NSG1: variants seen among roughly 807,000 people sequenced by gnomAD.
NSG1 encodes the protein neuronal vesicle trafficking associated 1.
A neutral mutation model predicts 19.3 loss-of-function variants in NSG1; 9 were observed. The ratio of observed to expected loss-of-function variants is 0.47; its 90% CI spans 0.28 to 0.81. NSG1 has a LOEUF of 0.81. Ranked by LOEUF, NSG1 falls within the 40% of genes least tolerant of loss-of-function variation. NSG1 has a pLI of 0.11. For synonymous variants in NSG1, 104 were observed against 107.0 expected (o/e 0.97, Z 0.17); for missense variants, 236 against 242.4 (o/e 0.97, Z 0.18).
rs554066122 is a variant in NSG1 at position 4,393,541 on chromosome 4, G to C, written c.246+1950G>C. ...AGCAGAAGCCCTGCCTCATCTCCCTGCCTCTACCTCCTGTGGCTGTCTGAG... is the reference window on the plus strand; with the variant it reads ...AGCAGAAGCCCTGCCTCATCTCCCTCCCTCTACCTCCTGTGGCTGTCTGAG... On this transcript the variant is annotated intron_variant, in intron 3 of 4. Coordinates refer to ENST00000621129, the MANE Select transcript of NSG1 (RefSeq NM_014392.5). 2.0e-5 allele frequency among the ~76,000 whole-genome samples: 3 copies of C among 152,312 alleles called. No homozygotes were observed. The East Asian group carries it at 5.8e-4, about 29-fold the overall frequency.
intron 4 of NSG1, among the ~76,000 whole-genome samples, chr4:4,413,128 G>A (rs1433368280): frequency 6.6e-6 from 1 of 152,134 alleles, no homozygotes; most frequent in African/African-American, 2.4e-5. Context: ...CTGGAACACA[G>A]CCGAGAGCCA....
chr4:4,392,994 G>A (rs1343839380), intron 3 of NSG1, among the ~76,000 whole-genome samples: 3 of 152,074 alleles, frequency 2.0e-5, no homozygotes, highest in South Asian at 2.1e-4. Flanking sequence ...TGTCTTCTGC[G>A]CTGGCCAGTG....
At chr4:4,408,389 G>T (rs1241746159) in intron 3 of NSG1, among the ~76,000 whole-genome samples, 2 of 152,188 alleles carry the variant, frequency 1.3e-5, no homozygotes, top group African/African-American at 4.8e-5. Context: ...CTCCCACCCG[G>T]CCAGGGAGCC....
intron 3 of NSG1, among the ~76,000 whole-genome samples, chr4:4,400,503 G>T (rs1298919572): frequency 6.6e-6 from 1 of 152,186 alleles, no homozygotes; most frequent in Non-Finnish European, 1.5e-5. Flanking sequence ...TTGGGTTGCT[G>T]ACAGAGATGG....
intron 3 of NSG1, among the ~76,000 whole-genome samples, chr4:4,397,627 G>T (rs1723322298): frequency 1.3e-5 from 2 of 152,358 alleles, no homozygotes; most frequent in South Asian, 4.1e-4. Context: ...CCTTTCACGT[G>T]AGTGACCATG....
chr4:4,410,602 G>A (rs1459774221), intron 4 of NSG1, among the ~76,000 whole-genome samples: 1 of 152,210 alleles, frequency 6.6e-6, no homozygotes, highest in Non-Finnish European at 1.5e-5. Flanking sequence ...AAACATAGAA[G>A]AGGTCCAGTA....
chr4:4,397,152 CTT>C (rs75001083), intron 3 of NSG1, among the ~76,000 whole-genome samples: 51 of 139,530 alleles, frequency 3.7e-4, no homozygotes, highest in East Asian at 6.2e-4. Flanking sequence ...AAGTTTTTTC[CTT>C]TTTTTTTTTT....
At chr4:4,398,189 G>A (rs574015310) in intron 3 of NSG1, among the ~76,000 whole-genome samples, 3 of 152,224 alleles carry the variant, frequency 2.0e-5, no homozygotes, top group South Asian at 2.1e-4. Context: ...TCCTGACCTC[G>A]TGATCCACCT....
intron 1 of NSG1, 43 bp from the exon 2 acceptor site, chr4:4,387,561 C>CGGGGGTGGGGGG: frequency 5.3e-6 from 6 of 1,141,980 alleles, no homozygotes; most frequent in Non-Finnish European, 7.5e-6. Flanking sequence ...CGCCCCGCCC[C>CGGGGGTGGGGGG]GGGTCTTGCT....
At chr4:4,413,907 G>T (rs1455414980) in intron 4 of NSG1, among the ~76,000 whole-genome samples, 1 of 152,038 alleles carries the variant, frequency 6.6e-6, no homozygotes, top group African/African-American at 2.4e-5. Context: ...GGGGTAAAAG[G>T]AAAGGGCCTG....
intron 3 of NSG1, among the ~76,000 whole-genome samples, chr4:4,397,771 A>T (rs151328855): frequency 6.6e-6 from 1 of 152,136 alleles, no homozygotes; most frequent in African/African-American, 2.4e-5. Context: ...CACTCGTTAT[A>T]AACGCACCCT....
In NSG1 at chr4:4,418,422, G is replaced by A. The variant is rs913750929; in HGVS notation, c.*987G>A. 1.3e-5 allele frequency: 2 copies of A among 151,978 alleles called. No individual in the cohort carries two copies. The highest frequency in any genetic ancestry group is 4.9e-5 in the African/African-American group (2 of 41,162). The allele number at this position is 151,978 out of a possible 1,614,324, so 9.4% of individuals were successfully genotyped here. On this transcript the variant is annotated 3_prime_UTR_variant, in exon 5 of 5. Coordinates refer to ENST00000621129, the MANE Select transcript of NSG1 (RefSeq NM_014392.5). ...TTGATGTGGGAAACAGGCAGGAAAG[G>A]CTGTGGGGTGGGGGTGGGGGACTGG...
chr4:4,406,929 C>T (rs1263988673), intron 3 of NSG1, among the ~76,000 whole-genome samples: 2 of 152,336 alleles, frequency 1.3e-5, no homozygotes, highest in Admixed American at 6.5e-5. Context: ...CAGACGGCTG[C>T]GCCTTCTTTC....
At position 4,417,556 on chromosome 4, in the gene NSG1, T is replaced by C; in HGVS notation, c.*121T>C. The C allele has an allele frequency of 1.0e-6, 1 of 957,700 alleles. No individual in the cohort carries two copies. Among genetic ancestry groups the C allele is most frequent in the Non-Finnish European group, 1.6e-6 (1 of 643,548 alleles). 59.3% of individuals were successfully genotyped at this position (957,700 alleles called of 1,614,324 possible). A position where few individuals can be genotyped will look rare whatever the true frequency, so the allele number is the denominator to read the frequency against. On this transcript the variant is annotated 3_prime_UTR_variant, in exon 5 of 5. Transcript: ENST00000621129. ...TACTCATTTACGGTGCAATTGCTTC[T>C]GTTTGCTAATGCTGCTTTGCAAATA...
chr4:4,410,038 G>A (rs1315481000), intron 4 of NSG1, among the ~76,000 whole-genome samples: 2 of 152,338 alleles, frequency 1.3e-5, no homozygotes, highest in Non-Finnish European at 2.9e-5. Context: ...GGGAGGGAGG[G>A]AGAGAGACGG....
chr4:4,395,089 T>C (rs540839905), intron 3 of NSG1, among the ~76,000 whole-genome samples: 42 of 152,312 alleles, frequency 2.8e-4, no homozygotes, highest in Middle Eastern at 3.4e-3. Flanking sequence ...ACAACTTGCA[T>C]TCTAAGGGCA....
At chr4:4,414,568 G>C (rs1173843848) in intron 4 of NSG1, among the ~76,000 whole-genome samples, 3 of 152,212 alleles carry the variant, frequency 2.0e-5, no homozygotes, top group Non-Finnish European at 4.4e-5. Flanking sequence ...ATTTGTGCGT[G>C]TGTTTGTCAC....
At chr4:4,415,774 C>T (rs1014732353) in intron 4 of NSG1, 10 of 290,110 alleles carry the variant, frequency 3.4e-5, no homozygotes, top group Admixed American at 9.5e-5. Flanking sequence ...TGCTGGGTGC[C>T]GAGGTGGGAG....
At chr4:4,408,018 C>T (rs1365119793) in intron 3 of NSG1, among the ~76,000 whole-genome samples, 1 of 152,142 alleles carries the variant, frequency 6.6e-6, no homozygotes, top group African/African-American at 2.4e-5. Flanking sequence ...GACACTTTCT[C>T]ACGTACATCT....
Sources: allele counts gnomAD v4.1 joint callset (sites outside exome capture counted in the v4.1 genomes callset), GRCh38; gene constraint gnomAD v4.1.1; transcripts MANE v1.5; gene names NCBI Gene and HGNC (gene_info 2026-07-23, HGNC 2026-07-21).